Variants in TCF3 observed in about 807,000 individuals in gnomAD.
TCF3 encodes transcription factor 3.
Under a neutral mutation model 72.3 loss-of-function variants are expected in TCF3, and 54 were observed. That is an observed-to-expected ratio of 0.75 (90% confidence interval 0.60 to 0.94). The LOEUF (loss-of-function observed/expected upper bound fraction) is 0.94. TCF3 is among the 40% of genes least tolerant of loss of function. The pLI is 0.00. For missense variants in TCF3, 1,078 were observed against 934.4 expected, an observed-to-expected ratio of 1.15 and a Z score of -2.00; for synonymous variants, 525 against 412.6, an observed-to-expected ratio of 1.27 and a Z score of -3.30.
At chr19:1,649,925 C>CA (rs1434708846) in intron 2 of TCF3, among the ~76,000 whole-genome samples, 1 of 152,228 alleles carries the variant, frequency 6.6e-6, no homozygotes, top group Non-Finnish European at 1.5e-5. Context: ...CCTGAGGACT[C>CA]AGTTTCCCCA....
intron 4 of TCF3, 92 bp downstream of exon 4, chr19:1,632,240 G>A: frequency 6.5e-7 from 1 of 1,541,556 alleles, no homozygotes; most frequent in African/African-American, 1.4e-5. Flanking sequence ...TGGAAGGCTG[G>A]CCCCTTCTCT....
At chr19:1,641,908 A>AT (rs1486839450) in intron 3 of TCF3, among the ~76,000 whole-genome samples, 1 of 151,748 alleles carries the variant, frequency 6.6e-6, no homozygotes, top group African/African-American at 2.4e-5. Flanking sequence ...CAAAATACAT[A>AT]TTTTTTTAAT....
At chr19:1,612,234 T>G (rs1308944494) in intron 18 of TCF3, 1 of 1,598,072 alleles carries the variant, frequency 6.3e-7, no homozygotes, top group Non-Finnish European at 8.6e-7. Context: ...AGCCCCAGGA[T>G]GACCTGCACG....
chr19:1,634,656 G>C (rs12461417), intron 3 of TCF3, among the ~76,000 whole-genome samples: 1,559 of 152,306 alleles, frequency 0.01, 73 homozygotes, highest in East Asian at 0.087. Context: ...GAGAGGGACC[G>C]GGGACTGGTC....
chr19:1,630,109 G>GCT (rs1423487484), intron 5 of TCF3, among the ~76,000 whole-genome samples: 1 of 152,244 alleles, frequency 6.6e-6, no homozygotes, highest in African/African-American at 2.4e-5. Context: ...ACATGGCTGG[G>GCT]CTCTGGGCAT....
intron 3 of TCF3, among the ~76,000 whole-genome samples, chr19:1,638,040 C>T (rs886750492): frequency 6.6e-6 from 1 of 152,202 alleles, no homozygotes. Context: ...CCCCATGGAT[C>T]CTCAAAGAAA....
intron 2 of TCF3, among the ~76,000 whole-genome samples, chr19:1,649,780 G>A (rs950431064): frequency 1.3e-5 from 2 of 152,160 alleles, no homozygotes; most frequent in Non-Finnish European, 2.9e-5. Flanking sequence ...AGACTGGAGT[G>A]CAGTGATCTT....
Position 1,610,431 on chromosome 19 carries a change from T to TG in TCF3, c.*1275dup, listed in dbSNP as rs2060902605. The TG allele has an allele frequency of 8.8e-6, 2 of 226,562 alleles. No homozygotes were observed. The highest frequency in any genetic ancestry group is 4.5e-5 in the African/African-American group (2 of 44,546). The allele number at this position is 226,562 out of a possible 1,614,324, so 14.0% of individuals were successfully genotyped here. On this transcript the variant is annotated 3_prime_UTR_variant, in exon 19 of 19. Coordinates refer to ENST00000262965, the MANE Select transcript of TCF3 (RefSeq NM_003200.5). ...GTAATGGGGACATGGTGGGGTGGGG[T>TG]GGGGGGTGTCCTGTGCTGGCTCCTG...
chr19:1,650,104 T>A, intron 2 of TCF3, 73 bp downstream of exon 2: 1 of 1,396,030 alleles, frequency 7.2e-7, no homozygotes, highest in Non-Finnish European at 9.8e-7. Context: ...CAGCAAACAC[T>A]CTCCCCTGAA....
At position 1,623,955 on chromosome 19, in the gene TCF3, G is replaced by T. The variant is rs370431685; in HGVS notation, c.545C>A (p.Ser182Tyr). 4.3e-6 allele frequency: 7 copies of T among 1,613,420 alleles called. No homozygotes were observed. Among genetic ancestry groups the T allele is most frequent in the Non-Finnish European group, 5.9e-6 (7 of 1,179,956 alleles). The stretch of plus-strand genomic sequence containing the variant: ...CTTCTCCCTCGTGCGACTCACCGAG[G>T]ATGGAAGACCCGGCGGGACCTTCCG... ...KVRKVPPGLPSSVYPPSSGED... is the reference protein window; with the variant it reads ...KVRKVPPGLPYSVYPPSSGED... Residue 182 changes from serine (S) to tyrosine (Y), a missense_variant, in exon 8 of 19, where the codon TCC (serine) becomes TAC (tyrosine). Ser to Tyr is a moderately radical substitution (Grantham distance 144). Coordinates refer to ENST00000262965, the MANE Select transcript of TCF3 (RefSeq NM_003200.5).
intron 3 of TCF3, among the ~76,000 whole-genome samples, chr19:1,637,218 C>G (rs1268066198): frequency 7.1e-6 from 1 of 141,388 alleles, no homozygotes; most frequent in African/African-American, 2.6e-5. Context: ...CCTCCTCCAC[C>G]AGAACCGAGG....
intron 7 of TCF3, among the ~76,000 whole-genome samples, chr19:1,624,360 C>T (rs996439353): frequency 6.6e-6 from 1 of 152,198 alleles, no homozygotes; most frequent in African/African-American, 2.4e-5. Context: ...CGTGTCACTG[C>T]ACTCCAGCCT....
intron 14 of TCF3, 69 bp from the exon 15 acceptor site, chr19:1,619,543 C>A: frequency 1.3e-6 from 2 of 1,510,644 alleles, no homozygotes; most frequent in South Asian, 1.3e-5. Flanking sequence ...ATTCATGTCC[C>A]TTCCGCATGC....
At position 1,615,272 on chromosome 19, in the gene TCF3, C is replaced by A; in HGVS notation, c.1822+13G>T. On this transcript the variant is annotated intron_variant, in intron 18 of 18. Transcript: ENST00000262965. This position sits in a 1 kb window ranked among gnomAD's most constrained non-coding sequence, Gnocchi z 7.3. ...GCGCTGCAGGGACGCTGGTGGCCCG[C>A]GCCCCCACTGACCTCGCACTTGCTG... The A allele has an allele frequency of 6.4e-7, 1 of 1,573,354 alleles. No homozygotes were observed.
chr19:1,612,741 G>A (rs2061152517), intron 18 of TCF3, among the ~76,000 whole-genome samples: 1 of 150,958 alleles, frequency 6.6e-6, no homozygotes, highest in Non-Finnish European at 1.5e-5. Context: ...AGCAGTGCGG[G>A]TACACGGCTT....
rs369601758 is a variant in TCF3, at chr19:1,615,260, G to A, written c.1822+25C>T. ...CGAGGGAGGGTGGCGCTGCAGGGAC[G>A]CTGGTGGCCCGCGCCCCCACTGACC... On this transcript the variant is annotated intron_variant, in intron 18 of 18. Coordinates refer to ENST00000262965, the MANE Select transcript of TCF3 (RefSeq NM_003200.5). This position sits in a 1 kb window ranked among gnomAD's most constrained non-coding sequence, Gnocchi z 7.3. 28 of 1,553,698 alleles carry A rather than the reference G, an allele frequency of 1.8e-5. No homozygotes were observed. The highest frequency in any genetic ancestry group is 4.1e-5 in the African/African-American group (3 of 73,432).
intron 3 of TCF3, among the ~76,000 whole-genome samples, chr19:1,640,753 G>C (rs187919558): frequency 6.6e-6 from 1 of 151,650 alleles, no homozygotes; most frequent in Admixed American, 6.6e-5. Context: ...GCAGTGAGCT[G>C]AGATCACGCC....
At chr19:1,629,261 G>T (rs932570238) in intron 5 of TCF3, among the ~76,000 whole-genome samples, 2 of 152,090 alleles carry the variant, frequency 1.3e-5, no homozygotes, top group African/African-American at 2.4e-5. Context: ...TGTCCCAGGG[G>T]ACAGGCCTGG....
chr19:1,613,909 T>C (rs2061289259), intron 18 of TCF3, among the ~76,000 whole-genome samples: 1 of 152,226 alleles, frequency 6.6e-6, no homozygotes, highest in Non-Finnish European at 1.5e-5. Flanking sequence ...GCCTGTTCTG[T>C]GCCAGGCCCA....
Sources: gnomAD v4.1 joint callset for allele counts (sites outside exome capture counted in the v4.1 genomes callset) on GRCh38, gnomAD v4.1.1 for gene constraint, Gnocchi (gnomAD v3.1) non-coding constraint, MANE v1.5 for transcripts, NCBI Gene and HGNC (gene_info 2026-07-23, HGNC 2026-07-21) for gene names.